LRRC37A2: variants seen among roughly 807,000 people sequenced by gnomAD.
LRRC37A2 encodes the protein leucine rich repeat containing 37 member A2.
In LRRC37A2, 9 loss-of-function variants were observed where a neutral mutation model predicts 68.8. The ratio of observed to expected loss-of-function variants is 0.13; its 90% CI spans 0.08 to 0.23. The LOEUF (loss-of-function observed/expected upper bound fraction) is 0.23. LRRC37A2 is among the 10% of genes least tolerant of loss of function. The probability of loss-of-function intolerance (pLI) is 1.00; values close to 1 mark genes in which losing one functional copy is unlikely to be tolerated. For missense variants in LRRC37A2, 168 were observed against 950.4 expected, an observed-to-expected ratio of 0.18 and a Z score of 10.82; for synonymous variants, 63 against 367.6, an observed-to-expected ratio of 0.17 and a Z score of 9.48.
At chr17:47,026,288 T>C in the LRRC37A2 span, among the ~76,000 whole-genome samples, 1 of 152,100 alleles carries the variant, frequency 6.6e-6, no homozygotes, top group African/African-American at 2.4e-5. Context: ...TGAGTACCCG[T>C]AGAGTACAAG....
chr17:46,916,003 C>T, the LRRC37A2 span, among the ~76,000 whole-genome samples: 3 of 152,216 alleles, frequency 2.0e-5, no homozygotes, highest in Non-Finnish European at 4.4e-5. Flanking sequence ...GCTCTCACCA[C>T]ATTTATGACC....
chr17:46,870,771 A>G, the LRRC37A2 span, among the ~76,000 whole-genome samples: 1 of 152,218 alleles, frequency 6.6e-6, no homozygotes, highest in Non-Finnish European at 1.5e-5. Context: ...CCCTTGGCTC[A>G]GAGGAACATG....
chr17:46,748,113 A>T, the LRRC37A2 span, among the ~76,000 whole-genome samples: 1 of 152,018 alleles, frequency 6.6e-6, no homozygotes, highest in Non-Finnish European at 1.5e-5. Context: ...TTATTTATTT[A>T]TTTATTTTTT....
At chr17:47,036,207 T>C in the LRRC37A2 span, among the ~76,000 whole-genome samples, 4 of 152,218 alleles carry the variant, frequency 2.6e-5, no homozygotes, top group Non-Finnish European at 5.9e-5. Flanking sequence ...TTTGTGCTTT[T>C]GGTGTCATGT....
chr17:46,496,779 G>A, the LRRC37A2 span, among the ~76,000 whole-genome samples: 4 of 133,772 alleles, frequency 3.0e-5, no homozygotes, highest in South Asian at 1.0e-3. Flanking sequence ...GCCAGGCACG[G>A]TGGCAGCTGC....
At chr17:46,893,745 T>C in the LRRC37A2 span, among the ~76,000 whole-genome samples, 1 of 150,842 alleles carries the variant, frequency 6.6e-6, no homozygotes, top group Non-Finnish European at 1.5e-5. Flanking sequence ...TCTAGAGGAG[T>C]CTAGAAAGAT....
At chr17:46,832,066 G>A in the LRRC37A2 span, among the ~76,000 whole-genome samples, 1 of 152,354 alleles carries the variant, frequency 6.6e-6, no homozygotes, top group African/African-American at 2.4e-5. Context: ...TTTGGGCAGT[G>A]CCCAGTGGCA....
the LRRC37A2 span, among the ~76,000 whole-genome samples, chr17:46,883,757 C>T: frequency 6.6e-5 from 10 of 152,282 alleles, no homozygotes; most frequent in East Asian, 1.5e-3. Flanking sequence ...GGATTCAGGG[C>T]GACTGGTGGC....
the LRRC37A2 span, among the ~76,000 whole-genome samples, chr17:46,751,183 A>G: frequency 6.6e-6 from 1 of 152,210 alleles, no homozygotes; most frequent in Non-Finnish European, 1.5e-5. Context: ...TTTGACACAT[A>G]CAGATTGTTC....
the LRRC37A2 span, among the ~76,000 whole-genome samples, chr17:46,456,127 A>G: frequency 1.9e-5 from 2 of 103,974 alleles, no homozygotes; most frequent in African/African-American, 6.8e-5. Context: ...CTTCACTTAG[A>G]AAAATGGCCT....
the LRRC37A2 span, among the ~76,000 whole-genome samples, chr17:46,965,797 A>T: frequency 8.9e-3 from 1,231 of 137,674 alleles, 7 homozygotes; most frequent in Middle Eastern, 0.037. Context: ...TAATTTTTGT[A>T]TTTTTTTTTT....
chr17:47,034,210 T>C, the LRRC37A2 span, among the ~76,000 whole-genome samples: 1 of 152,122 alleles, frequency 6.6e-6, no homozygotes, highest in East Asian at 1.9e-4. Context: ...TAAATATAAA[T>C]AAATAAAAAC....
the LRRC37A2 span, among the ~76,000 whole-genome samples, chr17:46,976,779 A>T: frequency 6.6e-6 from 1 of 151,478 alleles, no homozygotes; most frequent in African/African-American, 2.4e-5. Context: ...TCCCCAAACC[A>T]CTGAGGGCAG....
the LRRC37A2 span, among the ~76,000 whole-genome samples, chr17:46,912,617 G>C: frequency 2.0e-5 from 3 of 152,152 alleles, no homozygotes; most frequent in Non-Finnish European, 2.9e-5. Flanking sequence ...CCCTCTACTT[G>C]GTGGGTCCTG....
the LRRC37A2 span, among the ~76,000 whole-genome samples, chr17:46,907,930 C>T: frequency 6.6e-6 from 1 of 152,024 alleles, no homozygotes; most frequent in Non-Finnish European, 1.5e-5. Context: ...TCTATTTTGC[C>T]CTGGGCCCCT....
chr17:46,979,328 C>CG, the LRRC37A2 span: 2 of 202,966 alleles, frequency 9.9e-6, no homozygotes, highest in African/African-American at 4.6e-5. Context: ...CCCGCCCCGC[C>CG]GGTCCCCGCG....
chr17:46,719,243 A>G, the LRRC37A2 span, among the ~76,000 whole-genome samples: 2 of 152,332 alleles, frequency 1.3e-5, no homozygotes, highest in Admixed American at 6.5e-5. This position sits in a 1 kb window ranked among gnomAD's most constrained non-coding sequence, Gnocchi z 4.3. Flanking sequence ...TAACACATTA[A>G]TTTTTGTTAA....
the LRRC37A2 span, among the ~76,000 whole-genome samples, chr17:46,849,540 T>C: frequency 7.9e-5 from 12 of 152,142 alleles, no homozygotes; most frequent in Non-Finnish European, 1.5e-4. Context: ...CTCAGGCCCC[T>C]CATCCTCTAG....
chr17:46,874,995 C>T, the LRRC37A2 span: 1 of 1,566,456 alleles, frequency 6.4e-7, no homozygotes, highest in Non-Finnish European at 8.8e-7. Context: ...CACAGCGCTG[C>T]CACCACCGCC....
Sources: allele counts gnomAD v4.1 joint callset (sites outside exome capture counted in the v4.1 genomes callset), GRCh38; gene constraint gnomAD v4.1.1; non-coding constraint Gnocchi (gnomAD v3.1); transcripts MANE v1.5; gene names NCBI Gene and HGNC (gene_info 2026-07-23, HGNC 2026-07-21).